Variants in CNTNAP2 observed in about 807,000 individuals in gnomAD.
The protein encoded by CNTNAP2 is contactin associated protein 2, also known as contactin-associated protein-like 2.
CNTNAP2 carries 98 observed loss-of-function variants against 155.2 expected under a neutral mutation model. That is an observed-to-expected ratio of 0.63 (90% CI 0.54 to 0.75). The LOEUF is 0.75. CNTNAP2 is among the 30% of genes least tolerant of loss of function. The pLI, the probability that CNTNAP2 is intolerant of heterozygous loss-of-function variation, is 0.00. For missense variants in CNTNAP2, 1,727 were observed against 1,688.1 expected, an observed-to-expected ratio of 1.02 and a Z score of -0.40; for synonymous variants, 651 against 631.2, an observed-to-expected ratio of 1.03 and a Z score of -0.47.
intron 15 of CNTNAP2, among the ~76,000 whole-genome samples, chr7:148,018,196 C>T (rs923194547): frequency 6.6e-6 from 1 of 152,194 alleles, no homozygotes; most frequent in African/African-American, 2.4e-5. Context: ...AGGTATTTAA[C>T]GGACTCAGGG....
At chr7:146,912,003 A>G (rs994189379) in intron 3 of CNTNAP2, among the ~76,000 whole-genome samples, 35 of 152,114 alleles carry the variant, frequency 2.3e-4, no homozygotes, top group Non-Finnish European at 2.9e-4. Context: ...GATCATTATT[A>G]AATGAAATAA....
At chr7:146,910,301 C>A (rs895681537) in intron 3 of CNTNAP2, among the ~76,000 whole-genome samples, 1 of 150,008 alleles carries the variant, frequency 6.7e-6, no homozygotes, top group Non-Finnish European at 1.5e-5. Flanking sequence ...TTGGAAAAAG[C>A]TACTTTAAAG....
intron 8 of CNTNAP2, among the ~76,000 whole-genome samples, chr7:147,281,442 G>T (rs1805031288): frequency 6.6e-6 from 1 of 151,646 alleles, no homozygotes; most frequent in Non-Finnish European, 1.5e-5. Context: ...ATTGTCTAGG[G>T]TATTGTCTGA....
At chr7:148,019,958 T>C (rs1802252643) in intron 15 of CNTNAP2, among the ~76,000 whole-genome samples, 1 of 152,198 alleles carries the variant, frequency 6.6e-6, no homozygotes, top group Non-Finnish European at 1.5e-5. Context: ...CTAATTTCTG[T>C]ATTTTTAGTA....
At chr7:146,516,677 T>C (rs1262189429) in intron 1 of CNTNAP2, among the ~76,000 whole-genome samples, 2 of 151,952 alleles carry the variant, frequency 1.3e-5, no homozygotes, top group Non-Finnish European at 2.9e-5. Flanking sequence ...GAAAAAGTCA[T>C]CTGGCCAAAT....
At chr7:146,379,330 A>C (rs1459364896) in intron 1 of CNTNAP2, among the ~76,000 whole-genome samples, 1 of 152,228 alleles carries the variant, frequency 6.6e-6, no homozygotes, top group Non-Finnish European at 1.5e-5. Context: ...GGATGTTATC[A>C]GGGAGGAAAT....
At chr7:147,848,468 GCACA>G (rs1200998905) in intron 13 of CNTNAP2, among the ~76,000 whole-genome samples, 132 of 150,320 alleles carry the variant, frequency 8.8e-4, no homozygotes, top group Non-Finnish European at 1.2e-4. Flanking sequence ...CACACGGTGC[GCACA>G]CACACTGGCC....
intron 1 of CNTNAP2, among the ~76,000 whole-genome samples, chr7:146,460,125 G>A (rs1056863116): frequency 3.9e-5 from 6 of 152,142 alleles, no homozygotes; most frequent in Non-Finnish European, 7.3e-5. Flanking sequence ...AATCTCAGGA[G>A]AATGTTGACA....
At chr7:146,862,760 C>T (rs1249812379) in intron 3 of CNTNAP2, among the ~76,000 whole-genome samples, 1 of 152,186 alleles carries the variant, frequency 6.6e-6, no homozygotes, top group Non-Finnish European at 1.5e-5. Context: ...TACATATGCA[C>T]TCATATTTTT....
intron 3 of CNTNAP2, among the ~76,000 whole-genome samples, chr7:146,942,253 T>A (rs892392650): frequency 5.3e-5 from 8 of 152,070 alleles, no homozygotes; most frequent in African/African-American, 1.4e-4. Flanking sequence ...AACTAAACTA[T>A]CAGTGAAACA....
At chr7:147,884,651 A>C (rs11771110) in intron 13 of CNTNAP2, among the ~76,000 whole-genome samples, 21,700 of 152,168 alleles carry the variant, frequency 0.14, 1,656 homozygotes, top group African/African-American at 0.2. Flanking sequence ...TCAGGAAAAA[A>C]AGAATAAGGG....
At chr7:148,042,331 A>G (rs1802693785) in intron 15 of CNTNAP2, among the ~76,000 whole-genome samples, 1 of 152,194 alleles carries the variant, frequency 6.6e-6, no homozygotes, top group African/African-American at 2.4e-5. Flanking sequence ...GTATCAAAAC[A>G]GAGAGTAGGT....
At chr7:146,975,079 G>A (rs1322594323) in intron 3 of CNTNAP2, among the ~76,000 whole-genome samples, 2 of 152,166 alleles carry the variant, frequency 1.3e-5, no homozygotes, top group African/African-American at 2.4e-5. Context: ...GAAGTCTCTG[G>A]TTTAGGATAG....
chr7:147,997,216 G>A (rs1005831642), intron 15 of CNTNAP2, among the ~76,000 whole-genome samples: 1 of 152,202 alleles, frequency 6.6e-6, no homozygotes, highest in African/African-American at 2.4e-5. Context: ...AGCACCTTGT[G>A]TTGGCAGTGT....
intron 11 of CNTNAP2, among the ~76,000 whole-genome samples, chr7:147,530,803 G>A (rs569787825): frequency 2.6e-3 from 394 of 152,102 alleles, no homozygotes; most frequent in Non-Finnish European, 3.3e-3. Flanking sequence ...AACTCATTTC[G>A]ACATTAACTC....
chr7:148,061,984 TA>T lies in CNTNAP2; in HGVS notation c.2384-56133del, dbSNP rs1563185512. On this transcript the variant is annotated intron_variant, in intron 15 of 23. Transcript: ENST00000361727. Reference sequence around the variant, plus strand: ...ATAGATAGATAGATAGATAGATAGATAGATAGATAGATAGATAGATAGATGA... The same window carrying T: ...ATAGATAGATAGATAGATAGATAGATGATAGATAGATAGATAGATAGATGA... 5.3e-4 allele frequency among the ~76,000 whole-genome samples: 69 copies of T among 131,022 alleles called. 2 individuals carry two copies. Among genetic ancestry groups the T allele is most frequent in the African/African-American group, 2.1e-3 (66 of 31,580 alleles). The allele number at this position is 131,022 out of a possible 152,430, so 86.0% of individuals were successfully genotyped here.
chr7:147,671,968 G>C (rs111984371), intron 13 of CNTNAP2: 1 of 152,144 alleles, frequency 6.6e-6, no homozygotes, highest in African/African-American at 2.4e-5. Context: ...AAGGGATTCC[G>C]TATCTCCTTT....
intron 13 of CNTNAP2, among the ~76,000 whole-genome samples, chr7:147,670,022 A>G (rs1254727818): frequency 6.6e-6 from 1 of 152,124 alleles, no homozygotes; most frequent in East Asian, 1.9e-4. Context: ...AGATGGCATT[A>G]CTGGTCTCAT....
At chr7:146,244,131 A>G (rs1315680123) in intron 1 of CNTNAP2, among the ~76,000 whole-genome samples, 8 of 152,184 alleles carry the variant, frequency 5.3e-5, no homozygotes, top group Admixed American at 4.6e-4. Context: ...AACAGGTATA[A>G]AAGGTCTAAG....
Sources: gnomAD v4.1 joint callset for allele counts (sites outside exome capture counted in the v4.1 genomes callset) on GRCh38, gnomAD v4.1.1 for gene constraint, MANE v1.5 for transcripts, NCBI Gene and HGNC (gene_info 2026-07-23, HGNC 2026-07-21) for gene names.